PPP2R2B: variants seen among roughly 807,000 people sequenced by gnomAD.
PPP2R2B encodes the protein protein phosphatase 2 regulatory subunit Bbeta.
PPP2R2B carries 5 observed loss-of-function variants against 46.0 expected under a neutral mutation model. That is an observed-to-expected ratio of 0.11 (90% CI 0.06 to 0.23). The LOEUF (loss-of-function observed/expected upper bound fraction) is 0.23, where lower values mean the gene tolerates loss of function less well. Ranked by LOEUF, PPP2R2B falls within the 10% of genes least tolerant of loss-of-function variation. The pLI is 1.00. For missense variants in PPP2R2B, 367 were observed against 575.0 expected, an observed-to-expected ratio of 0.64 and a Z score of 3.70; for synonymous variants, 215 against 206.7, an observed-to-expected ratio of 1.04 and a Z score of -0.34.
At chr5:146,754,619 G>A (rs1026826363) in intron 2 of PPP2R2B, among the ~76,000 whole-genome samples, 3 of 152,174 alleles carry the variant, frequency 2.0e-5, no homozygotes, top group African/African-American at 7.2e-5. Flanking sequence ...AAATGACAAG[G>A]TGCCACTTCC....
At chr5:146,851,089 T>C (rs1485718461) in intron 2 of PPP2R2B, among the ~76,000 whole-genome samples, 2 of 152,144 alleles carry the variant, frequency 1.3e-5, no homozygotes, top group Non-Finnish European at 2.9e-5. Context: ...TATTCAATAT[T>C]ACATAGAAGT....
intron 2 of PPP2R2B, among the ~76,000 whole-genome samples, chr5:146,772,449 G>T (rs537342011): frequency 1.0e-4 from 15 of 145,298 alleles, no homozygotes; most frequent in Non-Finnish European, 2.3e-4. Flanking sequence ...TCTAAATACA[G>T]AGAGAAGATC....
intron 2 of PPP2R2B, among the ~76,000 whole-genome samples, chr5:146,711,855 T>C (rs1487865582): frequency 6.6e-6 from 1 of 152,150 alleles, no homozygotes; most frequent in Non-Finnish European, 1.5e-5. Flanking sequence ...ATTCTGATCA[T>C]AGAGATTTTT....
chr5:146,620,184 G>A (rs1166958303), intron 7 of PPP2R2B, among the ~76,000 whole-genome samples: 1 of 152,296 alleles, frequency 6.6e-6, no homozygotes, highest in East Asian at 1.9e-4. Context: ...AGGAGACTCA[G>A]CTGGAATCTG....
intron 2 of PPP2R2B, among the ~76,000 whole-genome samples, chr5:146,855,945 G>A (rs1261587251): frequency 6.6e-6 from 1 of 152,158 alleles, no homozygotes; most frequent in Non-Finnish European, 1.5e-5. Flanking sequence ...CAGGTGAGAA[G>A]TTGTTTTTCC....
At chr5:147,077,513 G>T (rs796929795) in intron 2 of PPP2R2B, among the ~76,000 whole-genome samples, 145 of 152,228 alleles carry the variant, frequency 9.5e-4, no homozygotes, top group African/African-American at 3.3e-3. Flanking sequence ...TTGACTTTGA[G>T]CGTATAGAAA....
At chr5:146,720,557 A>G (rs1780737716) in intron 2 of PPP2R2B, among the ~76,000 whole-genome samples, 2 of 152,208 alleles carry the variant, frequency 1.3e-5, no homozygotes, top group African/African-American at 2.4e-5. Flanking sequence ...CTGTTGGGAA[A>G]TAGCTCATAC....
At chr5:146,976,867 C>T (rs1442754307) in intron 1 of PPP2R2B, among the ~76,000 whole-genome samples, 2 of 151,788 alleles carry the variant, frequency 1.3e-5, no homozygotes, top group African/African-American at 2.4e-5. Flanking sequence ...GCCACCCCAT[C>T]AACACCTTCC....
chr5:146,897,772 C>T (rs1383370408), intron 1 of PPP2R2B, among the ~76,000 whole-genome samples: 3 of 151,420 alleles, frequency 2.0e-5, no homozygotes, highest in Non-Finnish European at 2.9e-5. Context: ...ATTCAAGAAC[C>T]GGATGCTATA....
chr5:147,022,709 TA>T, intron 1 of PPP2R2B, among the ~76,000 whole-genome samples: 1 of 151,714 alleles, frequency 6.6e-6, no homozygotes, highest in African/African-American at 2.4e-5. Flanking sequence ...ATCTTAAAAA[TA>T]GGGGAAAAAA....
chr5:146,769,296 A>G (rs1458521311), intron 2 of PPP2R2B, among the ~76,000 whole-genome samples: 3 of 152,156 alleles, frequency 2.0e-5, no homozygotes, highest in African/African-American at 7.2e-5. Flanking sequence ...TTAGGAATGC[A>G]AGTTCTCAGG....
intron 2 of PPP2R2B, among the ~76,000 whole-genome samples, chr5:146,850,722 C>A (rs1437481072): frequency 6.6e-6 from 1 of 152,170 alleles, no homozygotes; most frequent in South Asian, 2.1e-4. Flanking sequence ...ACTACTAACT[C>A]CTTCAGAGTG....
chr5:146,942,999 G>GT (rs1326285083), intron 1 of PPP2R2B, among the ~76,000 whole-genome samples: 1 of 152,014 alleles, frequency 6.6e-6, no homozygotes, highest in Admixed American at 6.6e-5. Context: ...GGGTTTCACC[G>GT]TGTTAGCCAG....
At chr5:146,875,469 GA>G (rs1761843162) in intron 2 of PPP2R2B, among the ~76,000 whole-genome samples, 2 of 152,290 alleles carry the variant, frequency 1.3e-5, no homozygotes, top group African/African-American at 4.8e-5. Context: ...TTAGCTGGAT[GA>G]ACTTGCCTGC....
At chr5:147,009,584 C>T (rs1726141729) in intron 1 of PPP2R2B, among the ~76,000 whole-genome samples, 1 of 152,068 alleles carries the variant, frequency 6.6e-6, no homozygotes, top group Admixed American at 6.6e-5. Flanking sequence ...CTACATCCTA[C>T]TTTTACATCT....
At chr5:146,747,896 G>A (rs1285318144) in intron 2 of PPP2R2B, among the ~76,000 whole-genome samples, 1 of 152,054 alleles carries the variant, frequency 6.6e-6, no homozygotes, top group Non-Finnish European at 1.5e-5. Context: ...AAAAAAATTA[G>A]GACGATACGA....
rs182633780 is a variant in PPP2R2B, at chr5:146,943,208, T to C, written c.79+112457A>G. ...GGAATTGCAATCCAGAGATTCTGAT[T>C]GAACTGAGTTTTATTTCTTTATTAA... On this transcript the variant is annotated intron_variant, in intron 1 of 8. Transcript: ENST00000336640. Among the ~76,000 whole-genome samples the C allele has an allele frequency of 3.3e-3, 510 of 152,310 alleles. 2 individuals carry two copies. Among genetic ancestry groups the C allele is most frequent in the African/African-American group, 0.011 (477 of 41,562 alleles).
chr5:146,637,474 T>C (rs1278791871), intron 7 of PPP2R2B, among the ~76,000 whole-genome samples: 1 of 152,214 alleles, frequency 6.6e-6, no homozygotes, highest in African/African-American at 2.4e-5. Flanking sequence ...GAAATGCTTA[T>C]CTATATTATA....
upstream of PPP2R2B, chr5:147,056,244 A>G (rs1225922693): frequency 2.6e-6 from 1 of 383,406 alleles, no homozygotes; most frequent in African/African-American, 2.2e-5. Context: ...AAAAGGAGCC[A>G]CCCGTAATGC....
Sources: gnomAD v4.1 joint callset for allele counts (sites outside exome capture counted in the v4.1 genomes callset) on GRCh38, gnomAD v4.1.1 for gene constraint, MANE v1.5 for transcripts, NCBI Gene and HGNC (gene_info 2026-07-23, HGNC 2026-07-21) for gene names.